ZNF214: variants seen among roughly 807,000 people sequenced by gnomAD.
The protein encoded by ZNF214 is zinc finger protein 214.
In ZNF214, 43 loss-of-function variants were observed where a neutral mutation model predicts 53.9. The observed-to-expected ratio is 0.80, with a 90% CI of 0.63 to 1.03. The LOEUF is 1.03. Among genes scored for constraint, ZNF214 ranks in the 50% least tolerant of loss-of-function variants. ZNF214 has a pLI of 0.00. For missense variants in ZNF214, 724 were observed against 719.1 expected (o/e 1.01, Z -0.08); for synonymous variants, 217 against 229.5 (o/e 0.95, Z 0.49).
In ZNF214 at chr11:6,998,077, A is replaced by G. The variant is rs911193412; in HGVS notation, c.*1785T>C. 6.6e-6 allele frequency among the ~76,000 whole-genome samples: 1 copy of G among 151,920 alleles called. No homozygotes were observed. The highest frequency in any genetic ancestry group is 2.4e-5 in the African/African-American group (1 of 41,408). On this transcript the variant is annotated 3_prime_UTR_variant, in exon 3 of 3. Coordinates refer to ENST00000278314, the MANE Select transcript of ZNF214 (RefSeq NM_013249.4). ...CACTGTTTTCTTGCTTATCAAAAAT[A>G]TTTGTTTCCTGCACATATGAAAGAC...
In ZNF214 at chr11:7,003,296, T is replaced by C. The variant is rs540463208; in HGVS notation, c.-20-441A>G. Among the ~76,000 whole-genome samples the C allele has an allele frequency of 2.6e-5, 4 of 152,124 alleles. No individual in the cohort carries two copies. In the East Asian group the frequency reaches 7.7e-4, roughly 29 times the overall value. On this transcript the variant is annotated intron_variant, in intron 1 of 2. Transcript: ENST00000278314. The stretch of plus-strand genomic sequence containing the variant: ...ATTGTATCTATTTGATCACACATTC[T>C]CAATTCTAAATTTCAATTTAAAATA...
chr11:7,014,813 A>C (rs1216655934), intron 1 of ZNF214, among the ~76,000 whole-genome samples: 9 of 148,718 alleles, frequency 6.1e-5, no homozygotes, highest in Non-Finnish European at 1.3e-4. Context: ...ACAAAAAAAA[A>C]AAAAAACAAA....
intron 1 of ZNF214, among the ~76,000 whole-genome samples, chr11:7,004,208 A>G (rs1255254507): frequency 1.3e-5 from 2 of 151,998 alleles, no homozygotes; most frequent in Non-Finnish European, 2.9e-5. Context: ...CTGAAATAAC[A>G]TAAGTAAAAA....
rs775360341 is a variant in ZNF214, at chr11:7,000,673, TTATCACACTCAATTTTA to T, written c.993_1009del (p.Tyr331Ter). 3.6e-5 allele frequency: 58 copies of T among 1,601,134 alleles called. No homozygotes were observed. The Admixed American group carries it at 8.2e-4, about 23-fold the overall frequency. On this transcript the variant is annotated stop_gained and frameshift_variant, in exon 3 of 3. Coordinates refer to ENST00000278314, the MANE Select transcript of ZNF214 (RefSeq NM_013249.4). LOFTEE classifies it high-confidence loss of function. ...AAGTAATGAATTTCTACTGAGGTCTTTATCACACTCAATTTTATAGAATTTCTCTTCTGTGTGGACTC... is the reference window on the plus strand; with the variant it reads ...AAGTAATGAATTTCTACTGAGGTCTTTAGAATTTCTCTTCTGTGTGGACTC...
chr11:6,997,635 G>A lies in ZNF214; in HGVS notation c.*2227C>T, dbSNP rs997413846. On this transcript the variant is annotated 3_prime_UTR_variant, in exon 3 of 3. Coordinates refer to ENST00000278314, the MANE Select transcript of ZNF214 (RefSeq NM_013249.4). ...TTAAATTGTCATTCAAAAAGAAAAT[G>A]TTATTATGAGTCCCTGCTATTTAAG... Among the ~76,000 whole-genome samples the A allele has an allele frequency of 1.3e-5, 2 of 148,274 alleles. No individual in the cohort carries two copies. The highest frequency in any genetic ancestry group is 1.5e-5 in the Non-Finnish European group (1 of 67,286).
chr11:7,006,130 T>C (rs961053657), intron 1 of ZNF214, among the ~76,000 whole-genome samples: 6 of 152,100 alleles, frequency 3.9e-5, no homozygotes, highest in Admixed American at 6.6e-5. Flanking sequence ...CTCAGACTAG[T>C]AGGAATCCCT....
intron 1 of ZNF214, among the ~76,000 whole-genome samples, chr11:7,008,331 G>A (rs1031108974): frequency 1.3e-5 from 2 of 152,156 alleles, no homozygotes; most frequent in African/African-American, 4.8e-5. Context: ...TACTCAAGAA[G>A]TTGAGGTAGG....
chr11:7,003,198 G>A (rs980085780), intron 1 of ZNF214, among the ~76,000 whole-genome samples: 5 of 151,910 alleles, frequency 3.3e-5, no homozygotes, highest in Admixed American at 2.0e-4. Context: ...ACTGCCTAAA[G>A]TAATTATTTT....
intron 1 of ZNF214, chr11:7,019,674 T>C (rs1851864577): frequency 6.6e-6 from 1 of 152,204 alleles, no homozygotes; most frequent in South Asian, 2.1e-4. Flanking sequence ...AAGATCTCAG[T>C]TTCCTTACCT....
chr11:7,016,773 C>T (rs1427229629), intron 1 of ZNF214, among the ~76,000 whole-genome samples: 2 of 152,058 alleles, frequency 1.3e-5, no homozygotes, highest in Admixed American at 1.3e-4. Flanking sequence ...TAAATTCTGT[C>T]ATTTCTCACA....
At chr11:7,005,023 T>C (rs941719537) in intron 1 of ZNF214, among the ~76,000 whole-genome samples, 2 of 152,094 alleles carry the variant, frequency 1.3e-5, no homozygotes, top group African/African-American at 4.8e-5. Flanking sequence ...AATGTTCCCA[T>C]ATTAATGGAC....
chr11:7,001,576 T>A (rs1851354792), intron 2 of ZNF214, 21 bp from the exon 3 acceptor site: 3 of 1,561,222 alleles, frequency 1.9e-6, no homozygotes, highest in East Asian at 4.5e-5. Flanking sequence ...AAAAAGATAA[T>A]CCCATGGTGA....
In ZNF214 at chr11:6,997,329, T is replaced by C. The variant is rs542915921; in HGVS notation, c.*2533A>G. Among the ~76,000 whole-genome samples the C allele has an allele frequency of 6.6e-6, 1 of 152,012 alleles. No homozygotes were observed. Among genetic ancestry groups the C allele is most frequent in the African/African-American group, 2.4e-5 (1 of 41,534 alleles). ...GTCTCACATTTAAGCAATATCACAT[T>C]TTCATCTGTTATAGCACATAATTAG... On this transcript the variant is annotated 3_prime_UTR_variant, in exon 3 of 3. Transcript: ENST00000278314.
intron 1 of ZNF214, chr11:7,015,726 T>G (rs2119473528): frequency 6.6e-6 from 1 of 152,276 alleles, no homozygotes; most frequent in Admixed American, 6.5e-5. Flanking sequence ...TTAATCTTGA[T>G]TTTGATGTGG....
chr11:7,002,858 A>T lies in ZNF214; in HGVS notation c.-20-3T>A. On this transcript the variant is annotated splice_polypyrimidine_tract_variant and splice_region_variant and intron_variant, in intron 1 of 2. Coordinates refer to ENST00000278314, the MANE Select transcript of ZNF214 (RefSeq NM_013249.4). ...CATCTGGTCAAAGATCAGGCTTTCT[A>T]GGAAAAAGAAATCTAAGTGAGAAGA... 2 of 1,574,796 alleles carry T rather than the reference A, an allele frequency of 1.3e-6. No homozygotes were observed. Among genetic ancestry groups the T allele is most frequent in the Non-Finnish European group, 1.7e-6 (2 of 1,165,930 alleles).
At chr11:7,007,615 G>A (rs868700505) in intron 1 of ZNF214, among the ~76,000 whole-genome samples, 1 of 151,720 alleles carries the variant, frequency 6.6e-6, no homozygotes, top group Admixed American at 6.6e-5. Context: ...ATTTCAAAAT[G>A]TATCAAATGA....
chr11:7,000,155 G>A lies in ZNF214; in HGVS notation c.1528C>T (p.Arg510Cys), dbSNP rs374556801. The A allele has an allele frequency of 2.0e-5, 32 of 1,611,894 alleles. No individual in the cohort carries two copies. In the Admixed American group the frequency reaches 4.2e-4, roughly 21 times the overall value. ...CEECGKGFSQ[R>C]SHLLIHQRVH... ...CTCTGATGAATGAGAAGATGTGAACGCTGACTGAATCCCTTGCCACACTCT... is the reference window on the plus strand; with the variant it reads ...CTCTGATGAATGAGAAGATGTGAACACTGACTGAATCCCTTGCCACACTCT... Residue 510 changes from arginine (R) to cysteine (C), a missense_variant, in exon 3 of 3, where the codon CGT becomes TGT. Arg to Cys is a radical substitution (Grantham distance 180, BLOSUM62 -3). Coordinates refer to ENST00000278314, the MANE Select transcript of ZNF214 (RefSeq NM_013249.4).
In ZNF214 at chr11:7,000,569, C is replaced by T. The variant is rs753483631; in HGVS notation, c.1114G>A (p.Val372Ile). The T allele has an allele frequency of 6.2e-7, 1 of 1,611,646 alleles. No homozygotes were observed. The highest frequency in any genetic ancestry group is 1.1e-5 in the South Asian group (1 of 90,760). Residue 372 changes from valine to isoleucine, a missense_variant, in exon 3 of 3, where the codon GTA becomes ATA. Physicochemically the swap from Val to Ile is conservative, Grantham distance 29. Transcript: ENST00000278314. ...TGGACTCTCTGATGAACATGAAGTA[C>T]TGAACTCCGATTAAAACTCTTACCA... ...QCGKSFNRSS[V>I]LHVHQRVHTG...
chr11:6,997,436 C>T lies in ZNF214; in HGVS notation c.*2426G>A, dbSNP rs1414874172. 6.6e-6 allele frequency among the ~76,000 whole-genome samples: 1 copy of T among 151,644 alleles called. No individual in the cohort carries two copies. Among genetic ancestry groups the T allele is most frequent in the African/African-American group, 2.4e-5 (1 of 41,328 alleles). On this transcript the variant is annotated 3_prime_UTR_variant, in exon 3 of 3. Coordinates refer to ENST00000278314, the MANE Select transcript of ZNF214 (RefSeq NM_013249.4). ...TACATTTGGCTTTAATCATCTTGAT[C>T]CGTTTATTTTAATATTTTAGGCCAA...
Sources: allele counts gnomAD v4.1 joint callset (sites outside exome capture counted in the v4.1 genomes callset), GRCh38; gene constraint gnomAD v4.1.1; transcripts MANE v1.5; gene names NCBI Gene and HGNC (gene_info 2026-07-23, HGNC 2026-07-21).